Variants in EPC2 observed in about 807,000 individuals in gnomAD.
EPC2 encodes the protein enhancer of polycomb 2.
Under a neutral mutation model 92.1 loss-of-function variants are expected in EPC2, and 14 were observed. That is an observed-to-expected ratio of 0.15 (90% CI 0.10 to 0.24). EPC2 has a LOEUF of 0.24. EPC2 is among the 10% of genes least tolerant of loss of function. EPC2 has a pLI of 1.00. For missense variants in EPC2, 755 were observed against 971.5 expected (o/e 0.78, Z 2.96); for synonymous variants, 340 against 334.7 (o/e 1.02, Z -0.17).
chr2:148,688,401 A>ATG (rs1681573033), intron 1 of EPC2, among the ~76,000 whole-genome samples: 2 of 151,684 alleles, frequency 1.3e-5, no homozygotes, highest in Non-Finnish European at 2.9e-5. Flanking sequence ...CACACACACC[A>ATG]GGGCCTGTTG....
At chr2:148,773,293 GAATTTA>G (rs1683564208) in intron 10 of EPC2, among the ~76,000 whole-genome samples, 1 of 151,980 alleles carries the variant, frequency 6.6e-6, no homozygotes, top group African/African-American at 2.4e-5. Flanking sequence ...ACTTCTCAGG[GAATTTA>G]AGTCACAAGT....
intron 8 of EPC2, 47 bp from the exon 9 acceptor site, chr2:148,770,745 G>C (rs1683500106): frequency 1.9e-6 from 3 of 1,558,684 alleles, no homozygotes; most frequent in Non-Finnish European, 2.6e-6. Context: ...CTTCATTTCA[G>C]ATTTACTCCA....
intron 2 of EPC2, among the ~76,000 whole-genome samples, chr2:148,700,399 G>C (rs1034157619): frequency 3.7e-4 from 56 of 152,126 alleles, no homozygotes; most frequent in African/African-American, 1.3e-3. Flanking sequence ...TAATTTTTGT[G>C]AAGGGTATAA....
intron 2 of EPC2, among the ~76,000 whole-genome samples, chr2:148,698,242 C>A (rs1018692437): frequency 6.6e-6 from 1 of 152,158 alleles, no homozygotes; most frequent in African/African-American, 2.4e-5. Flanking sequence ...TGTAAATACG[C>A]AATCTTCCCT....
chr2:148,742,838 A>G (rs369695273), intron 2 of EPC2, among the ~76,000 whole-genome samples: 5 of 152,110 alleles, frequency 3.3e-5, no homozygotes, highest in South Asian at 4.1e-4. Context: ...TAAAATACCA[A>G]TTCACATCAT....
chr2:148,712,712 G>A lies in EPC2; in HGVS notation c.313+22339G>A, dbSNP rs114506139. On this transcript the variant is annotated intron_variant, in intron 2 of 13. Transcript: ENST00000258484. ...GGAGACCAGCCTGGGCAGAGACTCC[G>A]TCTCTACAAAAAATGAAAACAATAG... Among the ~76,000 whole-genome samples the A allele has an allele frequency of 9.3e-5, 14 of 149,930 alleles. No homozygotes were observed. The South Asian group carries it at 1.7e-3, about 18-fold the overall frequency.
chr2:148,772,826 T>C (rs963282377), intron 10 of EPC2, among the ~76,000 whole-genome samples: 3 of 152,152 alleles, frequency 2.0e-5, no homozygotes, highest in Admixed American at 6.5e-5. Context: ...AAATCAAATC[T>C]TTTTTCAGCC....
intron 1 of EPC2, among the ~76,000 whole-genome samples, chr2:148,647,688 A>C (rs1683832697): frequency 7.8e-6 from 1 of 128,930 alleles, no homozygotes; most frequent in African/African-American, 3.0e-5. Flanking sequence ...GCTGGAGTGC[A>C]GTGGCGCGAT....
Position 148,670,903 on chromosome 2 carries a change from C to G in EPC2, c.154-19311C>G, listed in dbSNP as rs1681141533. ...ACATCAGTATGTTGCCCAGGCTTGTCTTGAACTCCTAGGCTAAGCAGTCTT... is the reference window on the plus strand; with the variant it reads ...ACATCAGTATGTTGCCCAGGCTTGTGTTGAACTCCTAGGCTAAGCAGTCTT... On this transcript the variant is annotated intron_variant, in intron 1 of 13. Transcript: ENST00000258484. 2.6e-5 allele frequency among the ~76,000 whole-genome samples: 4 copies of G among 152,142 alleles called. No individual in the cohort carries two copies. The South Asian group carries it at 8.3e-4, about 32-fold the overall frequency.
intron 3 of EPC2, among the ~76,000 whole-genome samples, chr2:148,749,471 C>T (rs1683046145): frequency 6.6e-6 from 1 of 150,876 alleles, no homozygotes; most frequent in Non-Finnish European, 1.5e-5. Flanking sequence ...ATAATAATCA[C>T]ATCATCGGTT....
In EPC2 at chr2:148,771,111, A is replaced by G; in HGVS notation, c.1444A>G (p.Asn482Asp). Residue 482 changes from asparagine (N) to aspartate (D), a missense_variant, in exon 10 of 14, where the codon AAT (asparagine) becomes GAT (aspartate). Physicochemically the swap from Asn to Asp is conservative, Grantham distance 23. This residue lies in a region of EPC2 where 509 missense variants were observed against 607.7 expected (regional missense o/e 0.84). Transcript: ENST00000258484. The stretch of plus-strand genomic sequence containing the variant: ...GAAACAGATAGACCCTGAAATGCTG[A>G]ATAGTTTTTCAAGCTCTTCCCAAAC... ...VLKQIDPEML[N>D]SFSSSSQTID... The G allele has an allele frequency of 6.2e-7, 1 of 1,613,726 alleles. No individual in the cohort carries two copies. The highest frequency in any genetic ancestry group is 8.5e-7 in the Non-Finnish European group (1 of 1,179,702).
intron 2 of EPC2, among the ~76,000 whole-genome samples, chr2:148,722,561 C>A (rs1451548170): frequency 6.6e-6 from 1 of 152,192 alleles, no homozygotes; most frequent in Non-Finnish European, 1.5e-5. Context: ...AGGGAATGCT[C>A]ATGCACTGCG....
chr2:148,703,552 A>G, intron 2 of EPC2, among the ~76,000 whole-genome samples: 1 of 152,124 alleles, frequency 6.6e-6, no homozygotes, highest in East Asian at 1.9e-4. Context: ...TATTTGAGAC[A>G]GGGTCTCACT....
chr2:148,785,126 C>T, intron 13 of EPC2, 125 bp downstream of exon 13: 2 of 764,970 alleles, frequency 2.6e-6, no homozygotes, highest in Non-Finnish European at 3.9e-6. Flanking sequence ...TCAATAGATA[C>T]TGAAGATCTG....
At chr2:148,706,195 C>T (rs185626083) in intron 2 of EPC2, among the ~76,000 whole-genome samples, 1 of 152,116 alleles carries the variant, frequency 6.6e-6, no homozygotes, top group Non-Finnish European at 1.5e-5. Flanking sequence ...ACGAGAGCTT[C>T]GTGATGCATT....
At chr2:148,696,878 G>A (rs1178238005) in intron 2 of EPC2, among the ~76,000 whole-genome samples, 1 of 152,024 alleles carries the variant, frequency 6.6e-6, no homozygotes, top group Non-Finnish European at 1.5e-5. Flanking sequence ...TAATTCCATG[G>A]GCTGTCTACC....
chr2:148,720,523 G>A (rs1244608110), intron 2 of EPC2, among the ~76,000 whole-genome samples: 2 of 152,218 alleles, frequency 1.3e-5, no homozygotes, highest in Non-Finnish European at 2.9e-5. Flanking sequence ...TGGAGATCCC[G>A]GTACTGGAGT....
intron 2 of EPC2, 114 bp from the exon 3 acceptor site, chr2:148,743,508 G>T: frequency 1.4e-6 from 1 of 702,904 alleles, no homozygotes. Context: ...CTTCTCCTGA[G>T]CTCCCCTTTA....
intron 10 of EPC2, among the ~76,000 whole-genome samples, chr2:148,775,655 A>AAT (rs377506938): frequency 2.1e-5 from 3 of 144,726 alleles, no homozygotes; most frequent in Admixed American, 6.8e-5. Context: ...AAATCTTTAA[A>AAT]TAAAATTAAA....
Sources: gnomAD v4.1 joint callset for allele counts (sites outside exome capture counted in the v4.1 genomes callset) on GRCh38, gnomAD v4.1.1 for gene constraint, gnomAD v4.1.1 regional missense constraint, MANE v1.5 for transcripts, NCBI Gene and HGNC (gene_info 2026-07-23, HGNC 2026-07-21) for gene names.